Variants in RPS19 observed in about 807,000 individuals in gnomAD.
RPS19 encodes ribosomal protein S19, also known as small ribosomal subunit protein eS19.
A neutral mutation model predicts 20.3 loss-of-function variants in RPS19; 1 was observed. That is an observed-to-expected ratio of 0.05 (90% confidence interval 0.02 to 0.23). RPS19 has a LOEUF of 0.23. RPS19 is among the 10% of genes least tolerant of loss of function. The pLI is 1.00. For synonymous variants in RPS19, 87 were observed against 74.8 expected (o/e 1.16, Z -0.84); for missense variants, 111 against 192.7 (o/e 0.58, Z 2.51).
rs1288261333 is a variant in RPS19 at position 41,869,716 on chromosome 19, C to T, written c.374C>T (p.Pro125Leu). 4 of 1,614,010 alleles carry T rather than the reference C, an allele frequency of 2.5e-6. No individual in the cohort carries two copies. Among genetic ancestry groups the T allele is most frequent in the Non-Finnish European group, 3.4e-6 (4 of 1,180,030 alleles). ...CCCCACAGCGGCCGCAAACTGACACCTCAGGGACAAAGAGATCTGGACAGA... is the reference window on the plus strand; with the variant it reads ...CCCCACAGCGGCCGCAAACTGACACTTCAGGGACAAAGAGATCTGGACAGA... ...KDQDGGRKLTPQGQRDLDRIA... is the reference protein window; with the variant it reads ...KDQDGGRKLTLQGQRDLDRIA... The change falls in exon 5 of 6, where the codon CCT (proline) becomes CTT (leucine). Residue 125 changes from proline to leucine, a missense_variant. Physicochemically the swap from Pro to Leu is moderately conservative, Grantham distance 98 (BLOSUM62 -3). Transcript: ENST00000598742.
At chr19:41,871,182 T>A (rs2074145715) in intron 5 of RPS19, among the ~76,000 whole-genome samples, 169 bp from the exon 6 acceptor site, 1 of 150,296 alleles carries the variant, frequency 6.7e-6, no homozygotes, top group African/African-American at 2.5e-5. Context: ...AGACTCAGTT[T>A]CCACGTCTGT....
intron 5 of RPS19, among the ~76,000 whole-genome samples, chr19:41,870,327 T>TC (rs1371894829): frequency 3.9e-5 from 6 of 151,978 alleles, no homozygotes; most frequent in African/African-American, 1.4e-4. Flanking sequence ...CGTAGATGAC[T>TC]CCCCCTCCCC....
intron 2 of RPS19, 100 bp from the exon 3 acceptor site, chr19:41,861,012 C>T: frequency 5.3e-6 from 6 of 1,131,162 alleles, no homozygotes; most frequent in Non-Finnish European, 8.1e-6. Context: ...TCTCTTTGTA[C>T]TCTGGGCACA....
Position 41,871,518 on chromosome 19 carries a change from A to C in RPS19, c.*141A>C. 1.4e-6 allele frequency: 1 copy of C among 715,890 alleles called. No individual in the cohort carries two copies. Among genetic ancestry groups the C allele is most frequent in the Non-Finnish European group, 2.5e-6 (1 of 405,586 alleles). The allele number at this position is 715,890 out of a possible 1,614,324, so 44.3% of individuals were successfully genotyped here. ...TGCAATCTCCGCCTTCTGGGTTCAA[A>C]TGATTCTCCTGCCTCAGCCTCCCAA... is the stretch of plus-strand genomic sequence containing the variant. On this transcript the variant is annotated 3_prime_UTR_variant, in exon 6 of 6. Transcript: ENST00000598742.
intron 3 of RPS19, among the ~76,000 whole-genome samples, chr19:41,862,976 GT>G (rs1448875807): frequency 4.6e-5 from 7 of 152,322 alleles, no homozygotes; most frequent in African/African-American, 1.7e-4. Context: ...AGTTGTAGTT[GT>G]GGCAGAAGCT....
At chr19:41,866,479 G>A (rs2074091179) in intron 3 of RPS19, among the ~76,000 whole-genome samples, 1 of 152,188 alleles carries the variant, frequency 6.6e-6, no homozygotes, top group African/African-American at 2.4e-5. Context: ...GCTTACGCCA[G>A]GTGAGTCTGT....
intron 3 of RPS19, among the ~76,000 whole-genome samples, chr19:41,866,188 G>C (rs908949179): frequency 6.6e-6 from 1 of 152,110 alleles, no homozygotes; most frequent in Non-Finnish European, 1.5e-5. Context: ...GGGAGGCGGA[G>C]CTAGCAGTGA....
At chr19:41,866,046 G>T (rs2074084984) in intron 3 of RPS19, among the ~76,000 whole-genome samples, 1 of 151,546 alleles carries the variant, frequency 6.6e-6, no homozygotes. Context: ...GAGGTCAGGA[G>T]TTTGAGACCA....
intron 3 of RPS19, among the ~76,000 whole-genome samples, chr19:41,867,751 G>C (rs1248772087): frequency 1.3e-5 from 2 of 151,724 alleles, no homozygotes; most frequent in African/African-American, 2.4e-5. Flanking sequence ...GCTGCAGTGA[G>C]CTATGATCAC....
At chr19:41,862,635 ATT>A (rs35133385) in intron 3 of RPS19, among the ~76,000 whole-genome samples, 2,084 of 144,488 alleles carry the variant, frequency 0.014, 30 homozygotes, top group African/African-American at 0.031. Flanking sequence ...TGTCTTGTAC[ATT>A]TTTTTTTTTT....
intron 3 of RPS19, 22 bp from the exon 4 acceptor site, chr19:41,869,009 C>T (rs782109589): frequency 1.7e-5 from 28 of 1,612,388 alleles, no homozygotes; most frequent in Non-Finnish European, 2.3e-5. Context: ...ACCCTTAAAT[C>T]TCCCTCTCAC....
intron 5 of RPS19, 39 bp from the exon 6 acceptor site, chr19:41,871,312 C>A (rs1555841967): frequency 1.9e-6 from 3 of 1,609,702 alleles, no homozygotes; most frequent in East Asian, 4.5e-5. Context: ...CAGCAGAGAC[C>A]CCCTTGACTA....
intron 3 of RPS19, chr19:41,861,432 G>A (rs1330130994): frequency 5.2e-6 from 3 of 579,172 alleles, no homozygotes; most frequent in Admixed American, 2.9e-5. Flanking sequence ...GTGGCTTTGA[G>A]CCTCAGGGGA....
Position 41,868,938 on chromosome 19 carries a change from T to C in RPS19, c.173-93T>C, listed in dbSNP as rs1414780983. ...TGTGTGTTTTCAGTTTCCCTTCTTA[T>C]AAAACAGTGAGAATTAGCTGTTTAC... is the stretch of plus-strand genomic sequence containing the variant. On this transcript the variant is annotated intron_variant, in intron 3 of 5. Coordinates refer to ENST00000598742, the MANE Select transcript of RPS19 (RefSeq NM_001022.4). The C allele has an allele frequency of 6.1e-6, 8 of 1,315,742 alleles. No homozygotes were observed. In the South Asian group the frequency reaches 7.2e-5, roughly 12 times the overall value. The allele number at this position is 1,315,742 out of a possible 1,614,324, so 81.5% of individuals were successfully genotyped here. A position where few individuals can be genotyped will look rare whatever the true frequency, so the allele number is the denominator to read the frequency against.
Position 41,871,451 on chromosome 19 carries a change from CTG to C in RPS19, c.*76_*77del. ...GGGTCTCTTTTTTGAGTCTCTTGCT[CTG>C]TCGCCCAGGCTGGAGTGCAGTGGCG... On this transcript the variant is annotated 3_prime_UTR_variant, in exon 6 of 6. Transcript: ENST00000598742. The C allele has an allele frequency of 7.3e-7, 1 of 1,377,658 alleles. No homozygotes were observed. The highest frequency in any genetic ancestry group is 2.3e-5 in the East Asian group (1 of 43,540). 85.3% of individuals were successfully genotyped at this position (1,377,658 alleles called of 1,614,324 possible).
Position 41,860,796 on chromosome 19 carries a change from G to A in RPS19, c.22G>A (p.Asp8Asn). The change falls in exon 2 of 6, where the codon GAC (aspartate) becomes AAC (asparagine). Residue 8 changes from aspartate to asparagine, a missense_variant. By Grantham distance (23) the Asp-to-Asn change is conservative. Coordinates refer to ENST00000598742, the MANE Select transcript of RPS19 (RefSeq NM_001022.4). ...TCAGATGCCTGGAGTTACTGTAAAAGACGTGAACCAGCAGGAGTTCGTCAG... is the reference window on the plus strand; with the variant it reads ...TCAGATGCCTGGAGTTACTGTAAAAAACGTGAACCAGCAGGAGTTCGTCAG... MPGVTVK[D>N]VNQQEFVRAL... 1 of 1,614,062 alleles carries A rather than the reference G, an allele frequency of 6.2e-7. No homozygotes were observed. The highest frequency in any genetic ancestry group is 1.1e-5 in the South Asian group (1 of 91,084).
At chr19:41,862,221 A>G (rs1555839414) in intron 3 of RPS19, among the ~76,000 whole-genome samples, 1 of 152,106 alleles carries the variant, frequency 6.6e-6, no homozygotes, top group Non-Finnish European at 1.5e-5. Context: ...TCAGAATATG[A>G]AGCATTTTGT....
At chr19:41,870,112 C>T (rs1022527044) in intron 5 of RPS19, among the ~76,000 whole-genome samples, 15 of 152,058 alleles carry the variant, frequency 9.9e-5, no homozygotes, top group Non-Finnish European at 1.9e-4. Context: ...TGTGGTGGCA[C>T]ATTCCTGTAA....
Position 41,869,012 on chromosome 19 carries a change from CCT to C in RPS19, c.173-15_173-14del. ...ACCTTGATCAAGACCCTTAAATCTCCCTCTCACACTACCCCCAGCTTCCACAG... is the reference window on the plus strand; with the variant it reads ...ACCTTGATCAAGACCCTTAAATCTCCCTCACACTACCCCCAGCTTCCACAG... On this transcript the variant is annotated splice_polypyrimidine_tract_variant and intron_variant, in intron 3 of 5. Transcript: ENST00000598742. 1 of 1,612,826 alleles carries C rather than the reference CCT, an allele frequency of 6.2e-7. No individual in the cohort carries two copies. The highest frequency in any genetic ancestry group is 8.5e-7 in the Non-Finnish European group (1 of 1,179,318).
Sources: allele counts gnomAD v4.1 joint callset (sites outside exome capture counted in the v4.1 genomes callset), GRCh38; gene constraint gnomAD v4.1.1; transcripts MANE v1.5; gene names NCBI Gene and HGNC (gene_info 2026-07-23, HGNC 2026-07-21).